Variants in ARHGAP42 observed in about 807,000 individuals in gnomAD.
The protein encoded by ARHGAP42 is Rho GTPase activating protein 42.
ARHGAP42 carries 63 observed loss-of-function variants against 125.0 expected under a neutral mutation model. That is an observed-to-expected ratio of 0.50 (90% CI 0.41 to 0.62). The LOEUF (loss-of-function observed/expected upper bound fraction) is 0.62. ARHGAP42 is among the 20% of genes least tolerant of loss of function. The probability of loss-of-function intolerance (pLI) is 0.00; values close to 1 mark genes in which losing one functional copy is unlikely to be tolerated. For synonymous variants in ARHGAP42, 339 were observed against 351.0 expected (o/e 0.97, Z 0.38); for missense variants, 766 against 1,024.2 (o/e 0.75, Z 3.44).
chr11:100,781,110 T>C lies in ARHGAP42; in HGVS notation c.250+10672T>C, dbSNP rs564313161. 9.8e-5 allele frequency among the ~76,000 whole-genome samples: 15 copies of C among 152,312 alleles called. 1 individual carries two copies. The South Asian group carries it at 3.1e-3, about 32-fold the overall frequency. On this transcript the variant is annotated intron_variant, in intron 2 of 23. Transcript: ENST00000298815. ...TCTCTAACTTATGTTAAATATACTG[T>C]AATATAAATTAATCAGCTTTAAAAT...
chr11:100,846,690 C>A (rs1174743541), intron 3 of ARHGAP42, among the ~76,000 whole-genome samples: 1 of 152,062 alleles, frequency 6.6e-6, no homozygotes, highest in African/African-American at 2.4e-5. Flanking sequence ...CTGTGGTCTG[C>A]AGAGTACTGG....
At chr11:100,689,582 C>T (rs1474976115) in intron 1 of ARHGAP42, among the ~76,000 whole-genome samples, 1 of 152,000 alleles carries the variant, frequency 6.6e-6, no homozygotes, top group Non-Finnish European at 1.5e-5. Context: ...CAGGTGATTC[C>T]CATCATTATA....
chr11:100,731,201 C>T (rs1046114228), intron 1 of ARHGAP42, among the ~76,000 whole-genome samples: 3 of 151,830 alleles, frequency 2.0e-5, no homozygotes, highest in Admixed American at 2.0e-4. Context: ...GCTCTGTTGC[C>T]AGGCTGGAGT....
At chr11:100,872,552 C>A (rs1410041337) in intron 4 of ARHGAP42, among the ~76,000 whole-genome samples, 1 of 152,096 alleles carries the variant, frequency 6.6e-6, no homozygotes, top group Non-Finnish European at 1.5e-5. Flanking sequence ...TGCACCAAGC[C>A]TGGCTGGTTT....
chr11:100,899,812 G>A (rs1204304356), intron 4 of ARHGAP42, among the ~76,000 whole-genome samples: 8 of 150,278 alleles, frequency 5.3e-5, no homozygotes, highest in Admixed American at 1.3e-4. Context: ...TTTACATGTG[G>A]GATGGGTCTC....
At chr11:100,897,184 G>C (rs571067924) in intron 4 of ARHGAP42, among the ~76,000 whole-genome samples, 1 of 152,276 alleles carries the variant, frequency 6.6e-6, no homozygotes, top group African/African-American at 2.4e-5. Context: ...TCTCTGTTCT[G>C]TTCCATTGGT....
chr11:100,723,947 T>C (rs546313192), intron 1 of ARHGAP42, among the ~76,000 whole-genome samples: 1 of 152,170 alleles, frequency 6.6e-6, no homozygotes, highest in Non-Finnish European at 1.5e-5. Flanking sequence ...CCTAATTTGC[T>C]GAGAGTTTTT....
At chr11:100,921,452 A>T in intron 5 of ARHGAP42, 42 bp from the exon 6 acceptor site, 1 of 1,388,344 alleles carries the variant, frequency 7.2e-7, no homozygotes, top group Non-Finnish European at 9.9e-7. Flanking sequence ...GTCCCTCTCT[A>T]TGTAGAACCA....
At chr11:100,857,227 GA>G (rs371187390) in intron 3 of ARHGAP42, among the ~76,000 whole-genome samples, 116 of 150,160 alleles carry the variant, frequency 7.7e-4, no homozygotes, top group African/African-American at 2.7e-3. Flanking sequence ...GGGAGAAGAA[GA>G]AAAAAAAATT....
intron 10 of ARHGAP42, among the ~76,000 whole-genome samples, chr11:100,946,828 G>A (rs915304119): frequency 4.6e-5 from 7 of 152,010 alleles, no homozygotes; most frequent in Non-Finnish European, 8.8e-5. Flanking sequence ...CACGATGTGA[G>A]CAAACGCTCT....
chr11:100,813,235 C>G (rs570760209), intron 3 of ARHGAP42, among the ~76,000 whole-genome samples: 34 of 152,120 alleles, frequency 2.2e-4, no homozygotes, highest in African/African-American at 8.2e-4. Context: ...CTGTCCTGTG[C>G]ATTGTAGGAT....
At chr11:100,869,286 C>T (rs900642865) in intron 4 of ARHGAP42, among the ~76,000 whole-genome samples, 1 of 152,034 alleles carries the variant, frequency 6.6e-6, no homozygotes, top group Non-Finnish European at 1.5e-5. Flanking sequence ...GCATTGCCAG[C>T]CACCAAGAGG....
At chr11:100,780,244 C>T (rs1863274265) in intron 2 of ARHGAP42, among the ~76,000 whole-genome samples, 1 of 151,922 alleles carries the variant, frequency 6.6e-6, no homozygotes, top group African/African-American at 2.4e-5. Flanking sequence ...TTTAAAATAA[C>T]ATGACTTTAA....
chr11:100,957,117 A>G (rs564807482), intron 12 of ARHGAP42, among the ~76,000 whole-genome samples: 1 of 152,122 alleles, frequency 6.6e-6, no homozygotes, highest in South Asian at 2.1e-4. Flanking sequence ...TATGAAGAAG[A>G]TACTATTATC....
At chr11:100,970,411 A>G (rs1282232317) in intron 17 of ARHGAP42, among the ~76,000 whole-genome samples, 3 of 152,250 alleles carry the variant, frequency 2.0e-5, no homozygotes, top group South Asian at 4.1e-4. Flanking sequence ...AGGGATAACA[A>G]TAGTTTCAGG....
chr11:100,935,881 T>C (rs949204013), intron 7 of ARHGAP42, among the ~76,000 whole-genome samples: 5 of 152,146 alleles, frequency 3.3e-5, no homozygotes, highest in Non-Finnish European at 7.4e-5. Flanking sequence ...CTCACACCTG[T>C]AATCCCAGCA....
intron 5 of ARHGAP42, among the ~76,000 whole-genome samples, chr11:100,919,086 C>A (rs2135240115): frequency 6.6e-6 from 1 of 152,096 alleles, no homozygotes; most frequent in East Asian, 1.9e-4. Context: ...CCAGGTGCAA[C>A]CTTCTAAGAG....
chr11:100,757,972 C>A (rs1027961992), intron 1 of ARHGAP42, among the ~76,000 whole-genome samples: 6 of 152,118 alleles, frequency 3.9e-5, no homozygotes, highest in Admixed American at 3.3e-4. Context: ...TTAAGAGAAC[C>A]TTAGTCATAT....
At chr11:100,839,016 T>C (rs1864881562) in intron 3 of ARHGAP42, among the ~76,000 whole-genome samples, 1 of 152,150 alleles carries the variant, frequency 6.6e-6, no homozygotes, top group Non-Finnish European at 1.5e-5. Flanking sequence ...CCGTGTATTA[T>C]ATACTACTTC....
Sources: gnomAD v4.1 joint callset for allele counts (sites outside exome capture counted in the v4.1 genomes callset) on GRCh38, gnomAD v4.1.1 for gene constraint, MANE v1.5 for transcripts, NCBI Gene and HGNC (gene_info 2026-07-23, HGNC 2026-07-21) for gene names.